RSL24D1: variants seen among roughly 807,000 people sequenced by gnomAD.
RSL24D1 encodes ribosomal L24 domain containing 1.
RSL24D1 carries 6 observed loss-of-function variants against 26.2 expected under a neutral mutation model. The ratio of observed to expected loss-of-function variants is 0.23; its 90% CI spans 0.13 to 0.45. The LOEUF is 0.45. Ranked by LOEUF, RSL24D1 falls within the 20% of genes least tolerant of loss-of-function variation. The pLI, the probability that RSL24D1 is intolerant of heterozygous loss-of-function variation, is 0.99. For missense variants in RSL24D1, 176 were observed against 202.6 expected (o/e 0.87, Z 0.80); for synonymous variants, 61 against 59.1 (o/e 1.03, Z -0.15).
intron 2 of RSL24D1, among the ~76,000 whole-genome samples, chr15:55,191,915 C>G (rs1046588706): frequency 3.9e-5 from 6 of 152,186 alleles, no homozygotes; most frequent in African/African-American, 1.4e-4. Context: ...TGCTATGCTT[C>G]TTTTCTTCCA....
intron 1 of RSL24D1, chr15:55,194,475 C>T (rs1299870976): frequency 6.6e-6 from 1 of 152,108 alleles, no homozygotes; most frequent in Non-Finnish European, 1.5e-5. Context: ...ATGTGTCAGG[C>T]AAAGCTTTAT....
chr15:55,192,677 T>C (rs756349351), intron 2 of RSL24D1, 43 bp downstream of exon 2: 5 of 1,394,416 alleles, frequency 3.6e-6, no homozygotes, highest in Non-Finnish European at 5.1e-6. Context: ...ATACTAAAAC[T>C]GTGAAACGTG....
At chr15:55,193,063 G>C (rs139001019) in intron 1 of RSL24D1, among the ~76,000 whole-genome samples, 1 of 152,110 alleles carries the variant, frequency 6.6e-6, no homozygotes, top group East Asian at 1.9e-4. Context: ...CATTTATATA[G>C]AATAACAGTA....
chr15:55,192,163 A>G lies in RSL24D1; in HGVS notation c.195+557T>C, dbSNP rs562825212. The stretch of plus-strand genomic sequence containing the variant: ...TAAAAGATCTTCCTCCCTCAAATGT[A>G]GCCTGTACTGCATTTTCATCTCCTT... On this transcript the variant is annotated intron_variant, in intron 2 of 5. Transcript: ENST00000260443. Among the ~76,000 whole-genome samples, 468 of 152,316 alleles carry G rather than the reference A, an allele frequency of 3.1e-3. 1 individual carries two copies. Among genetic ancestry groups the G allele is most frequent in the African/African-American group, 0.011 (437 of 41,576 alleles).
chr15:55,184,892 A>T (rs143161727), intron 4 of RSL24D1, among the ~76,000 whole-genome samples: 17 of 152,278 alleles, frequency 1.1e-4, no homozygotes, highest in African/African-American at 4.1e-4. Context: ...CAATAACTTG[A>T]CCTATAGTCT....
At chr15:55,188,968 G>C (rs1450211709) in intron 3 of RSL24D1, among the ~76,000 whole-genome samples, 1 of 152,190 alleles carries the variant, frequency 6.6e-6, no homozygotes, top group African/African-American at 2.4e-5. Context: ...AAGGCAGGCA[G>C]ATTGCCTGAG....
At chr15:55,188,023 T>C (rs891619880) in intron 3 of RSL24D1, among the ~76,000 whole-genome samples, 5 of 152,218 alleles carry the variant, frequency 3.3e-5, no homozygotes, top group African/African-American at 9.6e-5. Context: ...TTTTTCCCGG[T>C]ATTTTTGAAA....
chr15:55,183,169 A>G, intron 5 of RSL24D1, 146 bp downstream of exon 5: 1 of 591,460 alleles, frequency 1.7e-6, no homozygotes, highest in Non-Finnish European at 2.9e-6. Context: ...CAATTGGGAA[A>G]TACACTGAAT....
intron 2 of RSL24D1, among the ~76,000 whole-genome samples, chr15:55,191,736 T>C (rs1894300482): frequency 6.6e-6 from 1 of 151,960 alleles, no homozygotes; most frequent in Non-Finnish European, 1.5e-5. Flanking sequence ...TTTTCAAATC[T>C]ATCTGACAGG....
chr15:55,188,297 T>G (rs986671526), intron 3 of RSL24D1, among the ~76,000 whole-genome samples: 1 of 152,208 alleles, frequency 6.6e-6, no homozygotes, highest in Admixed American at 6.5e-5. Flanking sequence ...TTCCAAAGAC[T>G]CTCATACTAT....
chr15:55,186,612 A>AT (rs1894226841), intron 3 of RSL24D1, among the ~76,000 whole-genome samples: 1 of 152,234 alleles, frequency 6.6e-6, no homozygotes, highest in Admixed American at 6.5e-5. Context: ...ATCATGAAAT[A>AT]TAAGGACAAA....
chr15:55,192,666 A>G (rs1203747066), intron 2 of RSL24D1, 54 bp downstream of exon 2: 1 of 1,286,610 alleles, frequency 7.8e-7, no homozygotes, highest in East Asian at 2.3e-5. Context: ...ATACCCTTCA[A>G]ATACTAAAAC....
chr15:55,188,507 A>G lies in RSL24D1; in HGVS notation c.268+2468T>C, dbSNP rs993496807. 3.3e-5 allele frequency among the ~76,000 whole-genome samples: 5 copies of G among 152,340 alleles called. No homozygotes were observed. In the East Asian group the frequency reaches 5.8e-4, roughly 18 times the overall value. On this transcript the variant is annotated intron_variant, in intron 3 of 5. Coordinates refer to ENST00000260443, the MANE Select transcript of RSL24D1 (RefSeq NM_016304.3). ...TAAAACCTAACAGAAACAATAAAATAGGAGTACTCAGTAAGTGCACCTAGA... is the reference window on the plus strand; with the variant it reads ...TAAAACCTAACAGAAACAATAAAATGGGAGTACTCAGTAAGTGCACCTAGA...
chr15:55,194,444 G>A (rs1894332435), intron 1 of RSL24D1: 1 of 152,252 alleles, frequency 6.6e-6, no homozygotes, highest in Non-Finnish European at 1.5e-5. Context: ...AATCTATGGT[G>A]GGGTAAGAGG....
chr15:55,185,269 G>T, intron 4 of RSL24D1, 93 bp downstream of exon 4: 1 of 877,060 alleles, frequency 1.1e-6, no homozygotes, highest in Non-Finnish European at 1.7e-6. Flanking sequence ...CTGAAGTTAT[G>T]TCAAAATAAA....
intron 1 of RSL24D1, among the ~76,000 whole-genome samples, chr15:55,194,974 G>A (rs1320636519): frequency 3.7e-5 from 5 of 133,376 alleles, no homozygotes; most frequent in Admixed American, 8.6e-5. Context: ...AGAGAGCCAT[G>A]ATCACACATC....
At chr15:55,184,015 G>A (rs990441980) in intron 4 of RSL24D1, among the ~76,000 whole-genome samples, 9 of 152,150 alleles carry the variant, frequency 5.9e-5, no homozygotes, top group African/African-American at 1.9e-4. Flanking sequence ...AAACCATTGG[G>A]TAATTACAAG....
chr15:55,196,651 A>C (rs893282295), intron 1 of RSL24D1, 159 bp downstream of exon 1: 1 of 651,410 alleles, frequency 1.5e-6, no homozygotes, highest in Admixed American at 2.7e-5. Context: ...CCCGAAGCGG[A>C]ACGTTGAGAA....
chr15:55,190,534 T>C (rs1385867630), intron 3 of RSL24D1, among the ~76,000 whole-genome samples: 1 of 152,200 alleles, frequency 6.6e-6, no homozygotes, highest in African/African-American at 2.4e-5. Flanking sequence ...CCTTAAGCAC[T>C]ACACTTTTTA....
Sources: allele counts gnomAD v4.1 joint callset (sites outside exome capture counted in the v4.1 genomes callset), GRCh38; gene constraint gnomAD v4.1.1; transcripts MANE v1.5; gene names NCBI Gene and HGNC (gene_info 2026-07-23, HGNC 2026-07-21).